Variants in IPPK observed in about 807,000 individuals in gnomAD.
IPPK encodes IPK1 homolog.
In IPPK, 22 loss-of-function variants were observed where a neutral mutation model predicts 64.6. The ratio of observed to expected loss-of-function variants is 0.34; its 90% CI spans 0.24 to 0.49. IPPK has a LOEUF of 0.49. IPPK is among the 20% of genes least tolerant of loss of function. IPPK has a pLI of 0.99. For missense variants in IPPK, 532 were observed against 630.7 expected (o/e 0.84, Z 1.68); for synonymous variants, 262 against 247.2 (o/e 1.06, Z -0.56).
chr9:92,645,281 T>C (rs1852129264), intron 6 of IPPK, among the ~76,000 whole-genome samples: 1 of 151,876 alleles, frequency 6.6e-6, no homozygotes, highest in Non-Finnish European at 1.5e-5. Context: ...TCCCAGCTAC[T>C]TGGTGGGGGC....
intron 11 of IPPK, among the ~76,000 whole-genome samples, chr9:92,623,048 C>T (rs1179128125): frequency 6.6e-6 from 1 of 152,068 alleles, no homozygotes; most frequent in African/African-American, 2.4e-5. Flanking sequence ...TCTTCAGGAC[C>T]TTAAGGCAAA....
At chr9:92,646,365 G>A (rs566177555) in intron 6 of IPPK, among the ~76,000 whole-genome samples, 1 of 152,314 alleles carries the variant, frequency 6.6e-6, no homozygotes, top group South Asian at 2.1e-4. Flanking sequence ...AGAACCTTAT[G>A]TTAAACCACA....
intron 6 of IPPK, 85 bp downstream of exon 6, chr9:92,647,974 C>A: frequency 2.5e-6 from 2 of 795,500 alleles, no homozygotes; most frequent in African/African-American, 1.8e-5. Context: ...TTCTTTTACT[C>A]TTCTGAAAAC....
intron 8 of IPPK, among the ~76,000 whole-genome samples, chr9:92,639,269 G>A (rs1230625929): frequency 6.6e-6 from 1 of 152,070 alleles, no homozygotes; most frequent in Non-Finnish European, 1.5e-5. Flanking sequence ...GGCTGGTCTT[G>A]AACTTCTGGC....
At chr9:92,642,677 A>T in intron 7 of IPPK, 75 bp downstream of exon 7, 4 of 1,007,260 alleles carry the variant, frequency 4.0e-6, no homozygotes, top group Non-Finnish European at 6.2e-6. Flanking sequence ...AATACCCCCC[A>T]CCAGGCACTG....
chr9:92,637,272 C>T (rs1466670179), intron 9 of IPPK, among the ~76,000 whole-genome samples: 1 of 152,194 alleles, frequency 6.6e-6, no homozygotes, highest in Admixed American at 6.5e-5. Flanking sequence ...CACAACTGCA[C>T]TCTGGCCTGG....
intron 11 of IPPK, chr9:92,620,343 A>C (rs1229801230): frequency 6.6e-6 from 1 of 152,364 alleles, no homozygotes; most frequent in African/African-American, 2.4e-5. Flanking sequence ...GTACATGTGC[A>C]CATGTGTGTG....
intron 11 of IPPK, among the ~76,000 whole-genome samples, chr9:92,624,530 T>G (rs1851700461): frequency 6.6e-6 from 1 of 151,730 alleles, no homozygotes; most frequent in Admixed American, 6.6e-5. Flanking sequence ...CCTGTGAGGC[T>G]GAGGTGGGAG....
intron 4 of IPPK, among the ~76,000 whole-genome samples, chr9:92,651,373 G>C (rs991073205): frequency 1.3e-5 from 2 of 152,232 alleles, no homozygotes; most frequent in African/African-American, 4.8e-5. Flanking sequence ...CCACCAGCAA[G>C]TGCAGAAAAG....
intron 11 of IPPK, among the ~76,000 whole-genome samples, chr9:92,623,571 C>T (rs1382992567): frequency 1.3e-5 from 2 of 151,874 alleles, no homozygotes; most frequent in Non-Finnish European, 2.9e-5. Flanking sequence ...AAAAAGACAA[C>T]TCTACCAAAA....
intron 2 of IPPK, 26 bp from the exon 3 acceptor site, chr9:92,656,577 C>G (rs1239224184): frequency 6.8e-7 from 1 of 1,469,618 alleles, no homozygotes; most frequent in Non-Finnish European, 9.5e-7. Flanking sequence ...ACAGGACAGC[C>G]TTCGTGATGG....
intron 3 of IPPK, among the ~76,000 whole-genome samples, chr9:92,654,559 G>C (rs1852333295): frequency 6.6e-6 from 1 of 152,134 alleles, no homozygotes; most frequent in Non-Finnish European, 1.5e-5. Flanking sequence ...CCTCTTAAAA[G>C]TCCAACTACA....
chr9:92,638,158 G>A lies in IPPK; in HGVS notation c.759C>T (p.Cys253=). 1 of 1,614,246 alleles carries A rather than the reference G, an allele frequency of 6.2e-7. No homozygotes were observed. The highest frequency in any genetic ancestry group is 8.5e-7 in the Non-Finnish European group (1 of 1,180,040). The change falls in exon 9 of 13, where the codon TGC becomes TGT. Residue 253 remains cysteine, a synonymous_variant. Coordinates refer to ENST00000287996, the MANE Select transcript of IPPK (RefSeq NM_022755.6). ...CCAGCTCCCTGATCACAGCCCTTGT[G>A]CAGTGGGGCCCACTGGCCAGGCCGT... ...PSNGLASGPH[C]TRAVIRELVH... is the part of the protein sequence containing the mutation.
At chr9:92,656,308 C>T (rs1852371385) in intron 3 of IPPK, 148 bp downstream of exon 3, 2 of 619,428 alleles carry the variant, frequency 3.2e-6, no homozygotes, top group Admixed American at 2.3e-5. Context: ...ATCCACTCTG[C>T]TGCCACCCAG....
chr9:92,614,980 C>G lies in IPPK; in HGVS notation c.*852G>C, dbSNP rs1441190354. On this transcript the variant is annotated 3_prime_UTR_variant, in exon 13 of 13. Coordinates refer to ENST00000287996, the MANE Select transcript of IPPK (RefSeq NM_022755.6). ...TGGGAGGAAGAGAGAACTCGCTCCT[C>G]AACCACCCCAGACACTGGAGTGTCA... The G allele has an allele frequency of 6.6e-6, 1 of 152,232 alleles. No homozygotes were observed. The highest frequency in any genetic ancestry group is 1.5e-5 in the Non-Finnish European group (1 of 68,052). 9.4% of individuals were successfully genotyped at this position (152,232 alleles called of 1,614,324 possible).
chr9:92,663,464 A>G (rs7863890), intron 1 of IPPK, among the ~76,000 whole-genome samples: 44,190 of 152,208 alleles, frequency 0.29, 7,347 homozygotes, highest in East Asian at 0.77. Context: ...TTGACAATAA[A>G]TAGAAAAAGA....
chr9:92,652,448 C>CAA lies in IPPK; in HGVS notation c.292+123_292+124dup, dbSNP rs376104704. On this transcript the variant is annotated intron_variant, in intron 4 of 12. Transcript: ENST00000287996. ...TGGGCGACAGAGTGAGACTCCGTCT[C>CAA]AAAAAAAAAAAAAAAAAAAGGATTA... The CAA allele has an allele frequency of 8.2e-3, 1,767 of 215,750 alleles. 2 individuals are homozygous for CAA. Among genetic ancestry groups the CAA allele is most frequent in the South Asian group, 0.011 (168 of 14,948 alleles). The allele number at this position is 215,750 out of a possible 1,614,324, so 13.4% of individuals were successfully genotyped here. A position where few individuals can be genotyped will look rare whatever the true frequency, so the allele number is the denominator to read the frequency against.
In IPPK at chr9:92,619,538, C is replaced by T; in HGVS notation, c.1198G>A (p.Ala400Thr). Residue 400 changes from alanine (A) to threonine (T), a missense_variant, in exon 12 of 13, where the codon GCC becomes ACC. By Grantham distance (58) the Ala-to-Thr change is moderately conservative (BLOSUM62 0). Coordinates refer to ENST00000287996, the MANE Select transcript of IPPK (RefSeq NM_022755.6). ...GCAATCATGATGGAGCAGTCCTTGG[C>T]AGTCATGGCGACGCGGTACTGCTGC... ...KVQQYRVAMT[A>T]KDCSIMIALS... The T allele has an allele frequency of 6.3e-7, 1 of 1,591,378 alleles. No homozygotes were observed. Among genetic ancestry groups the T allele is most frequent in the East Asian group, 2.3e-5 (1 of 44,214 alleles).
chr9:92,615,377 T>G lies in IPPK; in HGVS notation c.*455A>C, dbSNP rs1477181127. ...GGCTTGCACTGAAAAAGTGACCATG[T>G]AACTCAGCTGGGGGAAGTTCCAGTA... On this transcript the variant is annotated 3_prime_UTR_variant, in exon 13 of 13. Coordinates refer to ENST00000287996, the MANE Select transcript of IPPK (RefSeq NM_022755.6). The G allele has an allele frequency of 5.8e-6, 1 of 173,664 alleles. No individual in the cohort carries two copies. The highest frequency in any genetic ancestry group is 2.4e-5 in the African/African-American group (1 of 41,592). The allele number at this position is 173,664 out of a possible 1,614,324, so 10.8% of individuals were successfully genotyped here. A position where few individuals can be genotyped will look rare whatever the true frequency, so the allele number is the denominator to read the frequency against.
Sources: gnomAD v4.1 joint callset for allele counts (sites outside exome capture counted in the v4.1 genomes callset) on GRCh38, gnomAD v4.1.1 for gene constraint, MANE v1.5 for transcripts, NCBI Gene and HGNC (gene_info 2026-07-23, HGNC 2026-07-21) for gene names.